TESK2: variants seen among roughly 807,000 people sequenced by gnomAD.
The protein encoded by TESK2 is dual specificity testis-specific protein kinase 2.
In TESK2, 39 loss-of-function variants were observed where a neutral mutation model predicts 57.1. The ratio of observed to expected loss-of-function variants is 0.68; its 90% CI spans 0.53 to 0.89. The LOEUF (loss-of-function observed/expected upper bound fraction) is 0.89. Among genes scored for constraint, TESK2 ranks in the 40% least tolerant of loss-of-function variants. The probability of loss-of-function intolerance (pLI) is 0.00; values close to 1 mark genes in which losing one functional copy is unlikely to be tolerated. For missense variants in TESK2, 646 were observed against 732.1 expected (o/e 0.88, Z 1.36); for synonymous variants, 249 against 267.9 (o/e 0.93, Z 0.69).
At position 45,421,767 on chromosome 1, in the gene TESK2, T is replaced by G; in HGVS notation, c.302A>C (p.Glu101Ala). ...LSSNRANMLK[E>A]VQLMNRLSHP... The stretch of plus-strand genomic sequence containing the variant: ...GGAGAGTCTATTCATGAGCTGTACT[T>G]CTTTCAGCATGTTTGCCCGGTTACT... Residue 101 changes from glutamate to alanine, a missense_variant, in exon 3 of 11, where the codon GAA (glutamate) becomes GCA (alanine). Transcript: ENST00000372086. 1 of 1,614,132 alleles carries G rather than the reference T, an allele frequency of 6.2e-7. No individual in the cohort carries two copies. The highest frequency in any genetic ancestry group is 8.5e-7 in the Non-Finnish European group (1 of 1,180,002).
At chr1:45,482,998 G>C (rs1160485994) in intron 1 of TESK2, among the ~76,000 whole-genome samples, 1 of 146,562 alleles carries the variant, frequency 6.8e-6, no homozygotes, top group Non-Finnish European at 1.5e-5. Context: ...AAAAAAAAAT[G>C]TCCGGGCGCA....
intron 1 of TESK2, among the ~76,000 whole-genome samples, chr1:45,476,886 C>T (rs375311776): frequency 6.6e-6 from 1 of 151,068 alleles, no homozygotes; most frequent in Non-Finnish European, 1.5e-5. Flanking sequence ...GTCACTCATG[C>T]CTATAATCCT....
chr1:45,410,149 C>T (rs1649983333), intron 3 of TESK2, among the ~76,000 whole-genome samples: 1 of 151,896 alleles, frequency 6.6e-6, no homozygotes. Flanking sequence ...GAGTGAGACT[C>T]TGTCTCAAAA....
In TESK2 at chr1:45,345,237, A is replaced by G; in HGVS notation, c.1319T>C (p.Leu440Pro). The G allele has an allele frequency of 6.2e-7, 1 of 1,614,224 alleles. No individual in the cohort carries two copies. Among genetic ancestry groups the G allele is most frequent in the South Asian group, 1.1e-5 (1 of 91,090 alleles). ...GGCCAGGGGCTCCTGCCAGTCAGCC[A>G]GGGGCATAGTTCCGGGCCCTGGTGC... is the stretch of plus-strand genomic sequence containing the variant. Reference protein sequence around the residue: ...LDAPGPGTMPLADWQEPLAPP... With the variant: ...LDAPGPGTMPPADWQEPLAPP... The change falls in exon 11 of 11, where the codon CTG becomes CCG. Residue 440 changes from leucine to proline, a missense_variant. Leu to Pro is a moderately conservative substitution (Grantham distance 98). Transcript: ENST00000372086.
At chr1:45,418,926 T>G (rs1484467251) in intron 3 of TESK2, among the ~76,000 whole-genome samples, 1 of 151,516 alleles carries the variant, frequency 6.6e-6, no homozygotes, top group Non-Finnish European at 1.5e-5. Flanking sequence ...TAAAAGTAAT[T>G]TAAAAAAAAA....
intron 3 of TESK2, among the ~76,000 whole-genome samples, chr1:45,390,262 C>T (rs1307004570): frequency 2.0e-5 from 3 of 152,070 alleles, no homozygotes; most frequent in African/African-American, 7.2e-5. Context: ...GAAATATGAT[C>T]TTTACAAAAA....
chr1:45,384,347 G>GTATGTATGTATGTATA (rs1326563337), intron 4 of TESK2, among the ~76,000 whole-genome samples: 11 of 151,030 alleles, frequency 7.3e-5, no homozygotes, highest in African/African-American at 2.7e-4. Context: ...ATGTATGTAT[G>GTATGTATGTATGTATA]TATGTATGTA....
intron 4 of TESK2, among the ~76,000 whole-genome samples, chr1:45,370,982 A>G (rs1557546668): frequency 6.6e-6 from 1 of 152,134 alleles, no homozygotes; most frequent in Non-Finnish European, 1.5e-5. Context: ...AGAAATAAAC[A>G]CCTATCAACT....
intron 3 of TESK2, among the ~76,000 whole-genome samples, chr1:45,397,061 C>T (rs543448419): frequency 4.6e-4 from 70 of 152,090 alleles, no homozygotes; most frequent in African/African-American, 1.6e-3. Context: ...TCAAGTGATC[C>T]GCCATCCTCG....
At chr1:45,445,624 C>CA (rs747691865) in intron 2 of TESK2, among the ~76,000 whole-genome samples, 1,665 of 108,038 alleles carry the variant, frequency 0.015, 26 homozygotes, top group South Asian at 0.067. Flanking sequence ...CTGTCTCTAC[C>CA]AAAAAAAAAA....
chr1:45,424,225 A>C (rs904750695), intron 2 of TESK2, among the ~76,000 whole-genome samples: 2 of 152,172 alleles, frequency 1.3e-5, no homozygotes, highest in Admixed American at 1.3e-4. Context: ...TAGCTCCACA[A>C]GTTTATCATA....
At chr1:45,389,027 A>G (rs555217839) in intron 3 of TESK2, among the ~76,000 whole-genome samples, 3 of 152,124 alleles carry the variant, frequency 2.0e-5, no homozygotes, top group Non-Finnish European at 4.4e-5. Flanking sequence ...GCCGAGAGGT[A>G]TGGCTTTTAA....
chr1:45,399,025 A>T (rs899973545), intron 3 of TESK2: 10 of 424,984 alleles, frequency 2.4e-5, no homozygotes, highest in Non-Finnish European at 4.6e-5. Context: ...TTAAGCCACT[A>T]GTTAGTCCAC....
intron 1 of TESK2, among the ~76,000 whole-genome samples, chr1:45,487,946 T>C (rs958149278): frequency 6.6e-6 from 1 of 151,858 alleles, no homozygotes; most frequent in African/African-American, 2.4e-5. Context: ...CTTTTTTTTT[T>C]TTCTTTCCCC....
intron 3 of TESK2, among the ~76,000 whole-genome samples, chr1:45,420,165 G>T (rs1294143629): frequency 6.6e-6 from 1 of 152,156 alleles, no homozygotes; most frequent in East Asian, 1.9e-4. Flanking sequence ...GGCCAGGTGT[G>T]GTGGATCACA....
chr1:45,488,960 C>T (rs12047498), intron 1 of TESK2, among the ~76,000 whole-genome samples: 26,821 of 151,910 alleles, frequency 0.18, 2,701 homozygotes, highest in Non-Finnish European at 0.23. Flanking sequence ...CTCAGGAGTT[C>T]GAGACCAGCC....
At chr1:45,425,657 A>T (rs985153954) in intron 2 of TESK2, among the ~76,000 whole-genome samples, 10 of 152,244 alleles carry the variant, frequency 6.6e-5, no homozygotes, top group South Asian at 2.1e-4. Flanking sequence ...TGTCTCAAAA[A>T]CAAACAAAAA....
Position 45,344,948 on chromosome 1 carries a change from C to T in TESK2, c.1608G>A (p.Ala536=), listed in dbSNP as rs200676018. The T allele has an allele frequency of 1.4e-5, 23 of 1,614,258 alleles. No individual in the cohort carries two copies. The highest frequency in any genetic ancestry group is 1.7e-4 in the Middle Eastern group (1 of 6,060). The change falls in exon 11 of 11, where the codon GCG becomes GCA. Residue 536 remains alanine (A), a synonymous_variant. Transcript: ENST00000372086. ...SRPQGTSPCP[A]GASEEMEVEE... is the part of the protein sequence containing the mutation. ...CTACCTCCATCTCCTCAGAAGCACC[C>T]GCAGGGCATGGACTGGTCCCCTGGG...
intron 2 of TESK2, among the ~76,000 whole-genome samples, chr1:45,444,608 T>C (rs1288249483): frequency 1.3e-5 from 2 of 152,226 alleles, no homozygotes; most frequent in Admixed American, 6.5e-5. Context: ...ATCCAGAATC[T>C]ATTTGACCCC....
Sources: allele counts gnomAD v4.1 joint callset (sites outside exome capture counted in the v4.1 genomes callset), GRCh38; gene constraint gnomAD v4.1.1; transcripts MANE v1.5; gene names NCBI Gene and HGNC (gene_info 2026-07-23, HGNC 2026-07-21).